The following FBXW11 variants were observed in gnomAD, a reference collection of about 807,000 sequenced individuals.
FBXW11 encodes F-box/WD repeat-containing protein 11.
In FBXW11, 19 loss-of-function variants were observed where a neutral mutation model predicts 77.6. That is an observed-to-expected ratio of 0.24 (90% confidence interval 0.17 to 0.36). FBXW11 has a LOEUF of 0.36. Ranked by LOEUF, FBXW11 falls within the 10% of genes least tolerant of loss-of-function variation. The pLI is 1.00. For missense variants in FBXW11, 334 were observed against 704.2 expected, an observed-to-expected ratio of 0.47 and a Z score of 5.95; for synonymous variants, 235 against 249.4, an observed-to-expected ratio of 0.94 and a Z score of 0.54.
At chr5:171,865,442 G>A (rs952313699) in intron 13 of FBXW11, among the ~76,000 whole-genome samples, 6 of 152,180 alleles carry the variant, frequency 3.9e-5, no homozygotes, top group Non-Finnish European at 8.8e-5. Flanking sequence ...GGGGGTTGGG[G>A]AGGATAAATA....
At chr5:171,977,693 C>T in intron 1 of FBXW11, 4 of 440,456 alleles carry the variant, frequency 9.1e-6, no homozygotes, top group South Asian at 3.2e-5. Context: ...AGGAGCAGGT[C>T]ACATCTTAAG....
At position 172,006,627 on chromosome 5, in the gene FBXW11, C is replaced by G; in HGVS notation, c.-125G>C. 3 of 1,297,398 alleles carry G rather than the reference C, an allele frequency of 2.3e-6. No individual in the cohort carries two copies. The highest frequency in any genetic ancestry group is 2.2e-5 in the South Asian group (1 of 44,908). The allele number at this position is 1,297,398 out of a possible 1,614,324, so 80.4% of individuals were successfully genotyped here. On this transcript the variant is annotated 5_prime_UTR_variant, in exon 1 of 14. Coordinates refer to ENST00000517395, the MANE Select transcript of FBXW11 (RefSeq NM_001378974.1). ...CACCCACTCTAGCTGCCAGCCCGCCCGGGCCGCCGGCAGCTCCGCCCTCCC... is the reference window on the plus strand; with the variant it reads ...CACCCACTCTAGCTGCCAGCCCGCCGGGGCCGCCGGCAGCTCCGCCCTCCC...
intron 1 of FBXW11, among the ~76,000 whole-genome samples, chr5:171,964,764 AT>A (rs1764096202): frequency 6.6e-6 from 1 of 152,230 alleles, no homozygotes; most frequent in Non-Finnish European, 1.5e-5. Flanking sequence ...ATAAAAGTTA[AT>A]TCACGGTTTA....
At chr5:171,885,752 T>C (rs1758835279) in intron 7 of FBXW11, among the ~76,000 whole-genome samples, 1 of 152,256 alleles carries the variant, frequency 6.6e-6, no homozygotes, top group Non-Finnish European at 1.5e-5. Flanking sequence ...TGTACAATAC[T>C]ATCATAATTT....
intron 1 of FBXW11, among the ~76,000 whole-genome samples, chr5:171,995,232 A>C (rs1025936721): frequency 6.6e-6 from 1 of 152,218 alleles, no homozygotes; most frequent in African/African-American, 2.4e-5. Context: ...TGAACTACTG[A>C]GCTATTTAAA....
At chr5:171,868,575 T>C in intron 13 of FBXW11, 35 bp downstream of exon 13, 18 of 1,528,788 alleles carry the variant, frequency 1.2e-5, no homozygotes, top group Non-Finnish European at 1.5e-5. Context: ...GTGAATTCAA[T>C]CAGCAAAATT....
At chr5:171,952,038 G>C (rs895735778) in intron 2 of FBXW11, among the ~76,000 whole-genome samples, 8 of 152,098 alleles carry the variant, frequency 5.3e-5, no homozygotes, top group African/African-American at 1.9e-4. Flanking sequence ...AAGTAGAATA[G>C]ATAAATCCAG....
intron 1 of FBXW11, among the ~76,000 whole-genome samples, chr5:171,978,260 C>T (rs1349490938): frequency 6.6e-6 from 1 of 152,116 alleles, no homozygotes; most frequent in Non-Finnish European, 1.5e-5. Context: ...ACAGAGGTGT[C>T]AAAGTTGGGG....
At chr5:171,993,410 G>C (rs533746785) in intron 1 of FBXW11, among the ~76,000 whole-genome samples, 1 of 151,890 alleles carries the variant, frequency 6.6e-6, no homozygotes, top group African/African-American at 2.4e-5. Flanking sequence ...TCAAGAGATC[G>C]AGACCATCCT....
chr5:171,973,685 T>A (rs1764657352), intron 1 of FBXW11, among the ~76,000 whole-genome samples: 1 of 152,180 alleles, frequency 6.6e-6, no homozygotes, highest in African/African-American at 2.4e-5. Flanking sequence ...TAATAATGCA[T>A]CAATACTGGT....
intron 6 of FBXW11, among the ~76,000 whole-genome samples, chr5:171,893,242 T>C (rs1392752843): frequency 2.0e-5 from 3 of 151,362 alleles, no homozygotes; most frequent in African/African-American, 7.3e-5. Context: ...CCCATACACA[T>C]CCTGAGGGCA....
rs1165496304 is a variant in FBXW11, at chr5:171,863,595, C to CA, written c.*531dup. ...AATCCAGAGAAAATTTTCCACTGTC[C>CA]AACATGTTCCTAATACAACAAGTCA... On this transcript the variant is annotated 3_prime_UTR_variant, in exon 14 of 14. Coordinates refer to ENST00000517395, the MANE Select transcript of FBXW11 (RefSeq NM_001378974.1). The CA allele has an allele frequency of 6.6e-6, 1 of 152,504 alleles. No individual in the cohort carries two copies. Among genetic ancestry groups the CA allele is most frequent in the Non-Finnish European group, 1.5e-5 (1 of 68,008 alleles). The allele number at this position is 152,504 out of a possible 1,614,324, so 9.4% of individuals were successfully genotyped here.
chr5:171,905,831 A>G (rs1172146192), intron 4 of FBXW11, among the ~76,000 whole-genome samples: 1 of 152,108 alleles, frequency 6.6e-6, no homozygotes, highest in African/African-American at 2.4e-5. Flanking sequence ...TGAAGTACCT[A>G]TGTCTGGCTC....
intron 7 of FBXW11, among the ~76,000 whole-genome samples, chr5:171,889,641 C>T (rs1759175863): frequency 6.6e-6 from 1 of 151,680 alleles, no homozygotes; most frequent in African/African-American, 2.4e-5. Flanking sequence ...AATCGGGGCA[C>T]TTTGGGAGGC....
chr5:171,870,787 C>T lies in FBXW11; in HGVS notation c.1412G>A (p.Arg471Gln). ...EGHEELVRCI[R>Q]FDNKRIVSGA... ...ACTGACAATCCTCTTGTTATCAAAC[C>T]GGATGCATCGGACCAATTCTTCATG... Residue 471 changes from arginine (R) to glutamine (Q), a missense_variant, in exon 11 of 14, where the codon CGG (arginine) becomes CAG (glutamine). Physicochemically the swap from Arg to Gln is conservative, Grantham distance 43. Transcript: ENST00000517395. 6.2e-7 allele frequency: 1 copy of T among 1,613,976 alleles called. No individual in the cohort carries two copies. Among genetic ancestry groups the T allele is most frequent in the Non-Finnish European group, 8.5e-7 (1 of 1,179,878 alleles).
chr5:171,917,071 C>A (rs545394739), intron 2 of FBXW11, among the ~76,000 whole-genome samples: 10 of 152,128 alleles, frequency 6.6e-5, no homozygotes, highest in African/African-American at 2.2e-4. Flanking sequence ...CGGGCACACA[C>A]CACCATGCCC....
At chr5:171,999,455 T>C (rs1766281819) in intron 1 of FBXW11, among the ~76,000 whole-genome samples, 1 of 151,986 alleles carries the variant, frequency 6.6e-6, no homozygotes, top group Non-Finnish European at 1.5e-5. Context: ...ATTGTATATA[T>C]ATATTTCTTC....
intron 2 of FBXW11, among the ~76,000 whole-genome samples, chr5:171,943,519 T>C (rs1482701671): frequency 2.6e-5 from 4 of 152,128 alleles, no homozygotes; most frequent in Non-Finnish European, 4.4e-5. Context: ...AGTGCAGTGG[T>C]GGGATCTCAG....
chr5:171,976,290 A>G (rs910940869), intron 1 of FBXW11, among the ~76,000 whole-genome samples: 6 of 152,204 alleles, frequency 3.9e-5, no homozygotes, highest in African/African-American at 1.2e-4. Context: ...GATCAAGTCA[A>G]TTACGAGATG....
Sources: gnomAD v4.1 joint callset for allele counts (sites outside exome capture counted in the v4.1 genomes callset) on GRCh38, gnomAD v4.1.1 for gene constraint, MANE v1.5 for transcripts, NCBI Gene and HGNC (gene_info 2026-07-23, HGNC 2026-07-21) for gene names.